The following EYS variants were observed in gnomAD, a reference collection of about 807,000 sequenced individuals.
EYS encodes protein eyes shut homolog.
EYS carries 250 observed loss-of-function variants against 282.1 expected under a neutral mutation model. The ratio of observed to expected loss-of-function variants is 0.89; its 90% CI spans 0.80 to 0.98. The LOEUF is 0.98. Among genes scored for constraint, EYS ranks in the 50% least tolerant of loss-of-function variants. The probability of loss-of-function intolerance (pLI) is 0.00; values close to 1 mark genes in which losing one functional copy is unlikely to be tolerated. For synonymous variants in EYS, 1,355 were observed against 1,282.9 expected, an observed-to-expected ratio of 1.06 and a Z score of -1.20; for missense variants, 4,016 against 3,709.0, an observed-to-expected ratio of 1.08 and a Z score of -2.15.
chr6:64,775,368 T>C (rs1214551198), intron 22 of EYS, among the ~76,000 whole-genome samples: 2 of 151,958 alleles, frequency 1.3e-5, no homozygotes, highest in Admixed American at 6.6e-5. Flanking sequence ...AAAATTATCC[T>C]GAGGCAATAG....
chr6:64,296,541 AATATATAT>A (rs1211614579), intron 30 of EYS, among the ~76,000 whole-genome samples: 78 of 15,680 alleles, frequency 5.0e-3, no homozygotes, highest in African/African-American at 6.7e-3. Context: ...GTACTGGCAG[AATATATAT>A]ATATATATAT....
Position 65,385,382 on chromosome 6 carries a change from T to C in EYS, c.1185-882A>G, listed in dbSNP as rs1023293464. ...TTGGCACAATTTCACTGAAATAGCA[T>C]CAATAAAATGCTTTAGTAATTTACC... On this transcript the variant is annotated intron_variant, in intron 7 of 42. Coordinates refer to ENST00000503581, the MANE Select transcript of EYS (RefSeq NM_001142800.2). Among the ~76,000 whole-genome samples, 74 of 151,922 alleles carry C rather than the reference T, an allele frequency of 4.9e-4. 1 individual carries two copies. Among genetic ancestry groups the C allele is most frequent in the African/African-American group, 1.7e-3 (71 of 41,414 alleles).
At chr6:64,005,462 CTTTAG>C (rs2149807283) in intron 33 of EYS, among the ~76,000 whole-genome samples, 1 of 152,136 alleles carries the variant, frequency 6.6e-6, no homozygotes, top group East Asian at 1.9e-4. Context: ...TGCAGAAGCT[CTTTAG>C]TTTAATTAGG....
chr6:65,069,407 T>C (rs2150164716), intron 12 of EYS, among the ~76,000 whole-genome samples: 1 of 152,130 alleles, frequency 6.6e-6, no homozygotes, highest in African/African-American at 2.4e-5. Context: ...GACTTCTGCC[T>C]TTCCCTCTAC....
At position 64,139,055 on chromosome 6, in the gene EYS, G is replaced by T. The variant is rs565448962; in HGVS notation, c.6425-57053C>A. On this transcript the variant is annotated intron_variant, in intron 31 of 42. Coordinates refer to ENST00000503581, the MANE Select transcript of EYS (RefSeq NM_001142800.2). ...AGATAAAGAGTTGGCCTGGGGATGG[G>T]AGTTCCAGGAAATAAAACAGGTACA... Among the ~76,000 whole-genome samples the T allele has an allele frequency of 3.9e-5, 6 of 152,126 alleles. No homozygotes were observed. In the East Asian group the frequency reaches 9.7e-4, roughly 25 times the overall value.
Position 64,439,148 on chromosome 6 carries a change from A to G in EYS, c.5835+14T>C. The G allele has an allele frequency of 7.5e-7, 1 of 1,336,696 alleles. No individual in the cohort carries two copies. Among genetic ancestry groups the G allele is most frequent in the Non-Finnish European group, 1.0e-6 (1 of 1,004,606 alleles). 82.8% of individuals were successfully genotyped at this position (1,336,696 alleles called of 1,614,324 possible). On this transcript the variant is annotated intron_variant, in intron 27 of 42. Coordinates refer to ENST00000503581, the MANE Select transcript of EYS (RefSeq NM_001142800.2). ...TTGTAATTTTTAAAAAATTAAATGA[A>G]CTGAATAACTTACCTTTAAAGTACC...
chr6:64,259,844 T>C (rs1767528381), intron 30 of EYS, among the ~76,000 whole-genome samples: 1 of 83,116 alleles, frequency 1.2e-5, no homozygotes, highest in African/African-American at 4.5e-5. Context: ...TTATTATTGT[T>C]TTATCAAAAA....
chr6:65,649,701 G>T (rs991294700), intron 1 of EYS, among the ~76,000 whole-genome samples: 1 of 151,970 alleles, frequency 6.6e-6, no homozygotes, highest in Non-Finnish European at 1.5e-5. Flanking sequence ...TATTTAGATT[G>T]TTTTTTTACA....
chr6:65,564,239 C>A (rs1396565252), intron 2 of EYS, among the ~76,000 whole-genome samples: 1 of 152,084 alleles, frequency 6.6e-6, no homozygotes, highest in Non-Finnish European at 1.5e-5. Flanking sequence ...ATTAAGTAAT[C>A]ATTGACTTTC....
chr6:65,477,870 A>G (rs776485271), intron 5 of EYS, among the ~76,000 whole-genome samples: 1 of 152,200 alleles, frequency 6.6e-6, no homozygotes, highest in Non-Finnish European at 1.5e-5. Flanking sequence ...ACACATGGCC[A>G]TAAGAATGTC....
chr6:65,008,933 C>A lies in EYS; in HGVS notation c.2138-11230G>T, dbSNP rs190357686. Among the ~76,000 whole-genome samples the A allele has an allele frequency of 2.7e-3, 417 of 152,290 alleles. 3 individuals carry two copies. Among genetic ancestry groups the A allele is most frequent in the African/African-American group, 9.4e-3 (391 of 41,554 alleles). On this transcript the variant is annotated intron_variant, in intron 13 of 42. Transcript: ENST00000503581. ...TCCTAGGACAGCCAGTCACTAGATA[C>A]TTCTCCCAGCCACTAAGCTGTGATG...
intron 33 of EYS, among the ~76,000 whole-genome samples, chr6:64,009,284 GA>G (rs907726617): frequency 5.3e-5 from 8 of 149,604 alleles, no homozygotes; most frequent in Non-Finnish European, 1.2e-4. Context: ...GGAAATTCTC[GA>G]TTTTTTTTTT....
chr6:65,007,241 C>T (rs766143678), intron 13 of EYS, among the ~76,000 whole-genome samples: 7 of 152,090 alleles, frequency 4.6e-5, no homozygotes, highest in Non-Finnish European at 7.4e-5. Flanking sequence ...GACTAATGCT[C>T]ATCGGAAAAT....
At position 65,540,800 on chromosome 6, in the gene EYS, G is replaced by A. The variant is rs140131359; in HGVS notation, c.-332-44807C>T. On this transcript the variant is annotated intron_variant, in intron 2 of 42. Transcript: ENST00000503581. The stretch of plus-strand genomic sequence containing the variant: ...TAGTCGAGTGTAGTGGTGGGCACCT[G>A]TGATCTCAGCTACCAGGGAGGCTGA... 1.4e-3 allele frequency among the ~76,000 whole-genome samples: 212 copies of A among 152,110 alleles called. 2 individuals carry two copies. The East Asian group carries it at 0.026, about 19-fold the overall frequency.
chr6:64,878,499 C>T lies in EYS; in HGVS notation c.2992+8198G>A, dbSNP rs182119166. Among the ~76,000 whole-genome samples the T allele has an allele frequency of 4.6e-4, 70 of 152,156 alleles. 1 individual carries two copies. The highest frequency in any genetic ancestry group is 1.5e-3 in the African/African-American group (62 of 41,548). ...AGCTAGAATAGTAGGCTAGGATACT[C>T]GGAAATTCAATTGATTCAGAAGAAG... On this transcript the variant is annotated intron_variant, in intron 19 of 42. Transcript: ENST00000503581.
At chr6:64,689,461 GA>G (rs34945830) in intron 22 of EYS, among the ~76,000 whole-genome samples, 146,010 of 150,222 alleles carry the variant, frequency 0.97, 70,988 homozygotes, top group East Asian at 1. Flanking sequence ...CACAGAACTG[GA>G]AAAAAAAAAA....
intron 1 of EYS, among the ~76,000 whole-genome samples, chr6:65,699,899 G>A (rs1414307099): frequency 2.6e-5 from 4 of 151,640 alleles, no homozygotes; most frequent in Non-Finnish European, 5.9e-5. Context: ...CGAATCATGA[G>A]GTCAGGAGAT....
intron 11 of EYS, among the ~76,000 whole-genome samples, chr6:65,319,976 C>T (rs962858229): frequency 3.9e-5 from 6 of 151,980 alleles, no homozygotes; most frequent in Middle Eastern, 3.4e-3. Context: ...AACTCCCCTA[C>T]TCTTTTGTCT....
intron 35 of EYS, among the ~76,000 whole-genome samples, chr6:63,961,482 A>C (rs1383770327): frequency 6.8e-6 from 1 of 146,644 alleles, no homozygotes; most frequent in African/African-American, 2.6e-5. Context: ...TCCACTACCC[A>C]CCCAAATCCT....
Sources: gnomAD v4.1 joint callset for allele counts (sites outside exome capture counted in the v4.1 genomes callset) on GRCh38, gnomAD v4.1.1 for gene constraint, MANE v1.5 for transcripts, NCBI Gene and HGNC (gene_info 2026-07-23, HGNC 2026-07-21) for gene names.